GPR39: variants seen among roughly 807,000 people sequenced by gnomAD.
GPR39 encodes the protein zinc sensing receptor.
GPR39 carries 23 observed loss-of-function variants against 18.4 expected under a neutral mutation model. The ratio of observed to expected loss-of-function variants is 1.25; its 90% CI spans 0.90 to 1.77. The LOEUF (loss-of-function observed/expected upper bound fraction) is 1.77, where lower values mean the gene tolerates loss of function less well. Among genes scored for constraint, GPR39 ranks in the 40% most tolerant of loss-of-function variants. The pLI is 0.00. For synonymous variants in GPR39, 280 were observed against 257.9 expected, an observed-to-expected ratio of 1.09 and a Z score of -0.82; for missense variants, 647 against 602.4, an observed-to-expected ratio of 1.07 and a Z score of -0.78.
At chr2:132,548,922 C>T (rs771971844) in intron 1 of GPR39, among the ~76,000 whole-genome samples, 3 of 152,180 alleles carry the variant, frequency 2.0e-5, no homozygotes, top group Non-Finnish European at 4.4e-5. Context: ...TTAGGGAAAC[C>T]GTCTCTGACC....
At chr2:132,550,893 A>G (rs887067972) in intron 1 of GPR39, among the ~76,000 whole-genome samples, 1 of 152,144 alleles carries the variant, frequency 6.6e-6, no homozygotes, top group East Asian at 1.9e-4. Context: ...ATAGATTTTT[A>G]CCATGTGTAA....
At chr2:132,425,116 A>G (rs1428880054) in intron 1 of GPR39, among the ~76,000 whole-genome samples, 3 of 152,126 alleles carry the variant, frequency 2.0e-5, no homozygotes, top group African/African-American at 4.8e-5. Flanking sequence ...ACCAACTCAT[A>G]TATCTCCCAT....
Position 132,558,826 on chromosome 2 carries a change from A to G in GPR39, c.857-86275A>G, listed in dbSNP as rs144824427. On this transcript the variant is annotated intron_variant, in intron 1 of 1. Transcript: ENST00000329321. ...GCAGACCTGGAAGGAGGAGATAAAC[A>G]TTGAATAGGTGCTCAGCTCAACAGG... Among the ~76,000 whole-genome samples the G allele has an allele frequency of 1.8e-4, 28 of 152,306 alleles. No individual in the cohort carries two copies. The East Asian group carries it at 5.4e-3, about 29-fold the overall frequency.
At chr2:132,427,606 G>A (rs1680150672) in intron 1 of GPR39, among the ~76,000 whole-genome samples, 1 of 150,570 alleles carries the variant, frequency 6.6e-6, no homozygotes, top group Non-Finnish European at 1.5e-5. Context: ...ATATTTTTGA[G>A]TCTACTTTCT....
At chr2:132,457,061 T>C (rs1680742062) in intron 1 of GPR39, among the ~76,000 whole-genome samples, 1 of 152,244 alleles carries the variant, frequency 6.6e-6, no homozygotes. Flanking sequence ...CTGGATAATA[T>C]CCTGAAGAGT....
chr2:132,496,106 G>T (rs1004875747), intron 1 of GPR39, among the ~76,000 whole-genome samples: 5 of 152,176 alleles, frequency 3.3e-5, no homozygotes, highest in African/African-American at 1.2e-4. Context: ...CCCTTCCAGA[G>T]ACTTGTAGCT....
intron 1 of GPR39, among the ~76,000 whole-genome samples, chr2:132,511,436 T>C (rs1305633359): frequency 1.3e-5 from 2 of 152,186 alleles, no homozygotes; most frequent in African/African-American, 4.8e-5. Flanking sequence ...TTGAATGAAA[T>C]ATGTTAAGCT....
intron 1 of GPR39, among the ~76,000 whole-genome samples, chr2:132,482,334 CT>C (rs1681250951): frequency 6.6e-6 from 1 of 152,174 alleles, no homozygotes. Context: ...TCATGTTTCT[CT>C]GTTAGGTGCC....
At chr2:132,580,757 T>G (rs1275190721) in intron 1 of GPR39, among the ~76,000 whole-genome samples, 1 of 150,036 alleles carries the variant, frequency 6.7e-6, no homozygotes, top group African/African-American at 2.5e-5. Flanking sequence ...AAGTCGAGAG[T>G]TCAAGAGCAG....
At chr2:132,616,152 T>A (rs1681331039) in intron 1 of GPR39, among the ~76,000 whole-genome samples, 1 of 152,114 alleles carries the variant, frequency 6.6e-6, no homozygotes, top group Non-Finnish European at 1.5e-5. Flanking sequence ...CTTTTATATG[T>A]GGGTTCTCAG....
intron 1 of GPR39, among the ~76,000 whole-genome samples, chr2:132,489,893 G>C: frequency 6.6e-6 from 1 of 151,476 alleles, no homozygotes; most frequent in East Asian, 1.9e-4. Flanking sequence ...AGGAGAGGAG[G>C]CTCAGCCTAG....
chr2:132,613,267 C>T (rs190375974), intron 1 of GPR39, among the ~76,000 whole-genome samples: 4 of 152,292 alleles, frequency 2.6e-5, no homozygotes, highest in Admixed American at 2.0e-4. Context: ...CTGTCGCACT[C>T]CATGTAGACA....
Position 132,580,393 on chromosome 2 carries a change from A to G in GPR39, c.857-64708A>G, listed in dbSNP as rs897428014. The stretch of plus-strand genomic sequence containing the variant: ...ACTGTATTCTGTAAGTCACAGGGAC[A>G]TTAGCAGGAAAGTGCCGGTGGCTGA... On this transcript the variant is annotated intron_variant, in intron 1 of 1. Coordinates refer to ENST00000329321, the MANE Select transcript of GPR39 (RefSeq NM_001508.3). 9.9e-5 allele frequency among the ~76,000 whole-genome samples: 15 copies of G among 152,284 alleles called. No homozygotes were observed. In the South Asian group the frequency reaches 3.1e-3, roughly 32 times the overall value.
At chr2:132,545,653 G>GGTGT (rs5834318) in intron 1 of GPR39, among the ~76,000 whole-genome samples, 18,568 of 134,692 alleles carry the variant, frequency 0.14, 1,300 homozygotes, top group South Asian at 0.27. Context: ...ATGTGTGATG[G>GGTGT]GCGTGTGTGT....
intron 1 of GPR39, among the ~76,000 whole-genome samples, chr2:132,551,023 T>C (rs192983727): frequency 8.7e-4 from 132 of 152,324 alleles, no homozygotes; most frequent in Admixed American, 1.0e-3. Flanking sequence ...GGTTGTAATA[T>C]AGTTTTTGGT....
intron 1 of GPR39, among the ~76,000 whole-genome samples, chr2:132,631,024 C>T (rs1316008168): frequency 6.6e-6 from 1 of 151,912 alleles, no homozygotes; most frequent in Non-Finnish European, 1.5e-5. Flanking sequence ...CTGGTGACAT[C>T]GATTTGGGAA....
chr2:132,417,816 C>T lies in GPR39; in HGVS notation c.774C>T (p.Ala258=), dbSNP rs775078673. The change falls in exon 1 of 2, where the codon GCC becomes GCT. Residue 258 remains alanine (A), a synonymous_variant. Coordinates refer to ENST00000329321, the MANE Select transcript of GPR39 (RefSeq NM_001508.3). ...TGAAAAGCCAGAAGGGCTCGCTGGC[C>T]GGGGGCACGCGGCCTCCGCAGCTGA... ...VLMKSQKGSL[A]GGTRPPQLRK... The T allele has an allele frequency of 3.4e-5, 55 of 1,613,736 alleles. 1 individual carries two copies. In the East Asian group the frequency reaches 1.2e-3, roughly 35 times the overall value.
At chr2:132,601,334 C>T (rs1681039162) in intron 1 of GPR39, among the ~76,000 whole-genome samples, 1 of 152,050 alleles carries the variant, frequency 6.6e-6, no homozygotes, top group Admixed American at 6.5e-5. Context: ...ATGTGATACA[C>T]AACATCAAGA....
chr2:132,417,979 C>T (rs1679942712), intron 1 of GPR39, 81 bp downstream of exon 1: 20 of 1,485,436 alleles, frequency 1.3e-5, no homozygotes, highest in Admixed American at 2.2e-5. Context: ...TGGCCCTCTC[C>T]AGGGCAAGTC....
Sources: gnomAD v4.1 joint callset for allele counts (sites outside exome capture counted in the v4.1 genomes callset) on GRCh38, gnomAD v4.1.1 for gene constraint, MANE v1.5 for transcripts, NCBI Gene and HGNC (gene_info 2026-07-23, HGNC 2026-07-21) for gene names.